The following CDK5RAP2 variants were observed in gnomAD, a reference collection of about 807,000 sequenced individuals.
CDK5RAP2 encodes CDK5 regulatory subunit associated protein 2.
Under a neutral mutation model 232.9 loss-of-function variants are expected in CDK5RAP2, and 147 were observed. The ratio of observed to expected loss-of-function variants is 0.63; its 90% CI spans 0.55 to 0.72. CDK5RAP2 has a LOEUF of 0.72. Ranked by LOEUF, CDK5RAP2 falls within the 30% of genes least tolerant of loss-of-function variation. The pLI is 0.00. For synonymous variants in CDK5RAP2, 833 were observed against 833.7 expected, an observed-to-expected ratio of 1.00 and a Z score of 0.01; for missense variants, 2,195 against 2,231.5, an observed-to-expected ratio of 0.98 and a Z score of 0.33.
In CDK5RAP2 at chr9:120,439,646, T is replaced by G; in HGVS notation, c.3475A>C (p.Lys1159Gln). 6.2e-7 allele frequency: 1 copy of G among 1,614,246 alleles called. No individual in the cohort carries two copies. Among genetic ancestry groups the G allele is most frequent in the Non-Finnish European group, 8.5e-7 (1 of 1,180,044 alleles). ...GTEGAQDGLS[K>Q]PKNGSDGEEM... ...TCCCCATCAGAACCATTCTTGGGCT[T>G]GCTCAAGCCATCCTGGGCCCCTTCT... The change falls in exon 24 of 38, where the codon AAG (lysine) becomes CAG (glutamine). Residue 1159 changes from lysine (K) to glutamine (Q), a missense_variant. By Grantham distance (53) the Lys-to-Gln change is moderately conservative. Coordinates refer to ENST00000349780, the MANE Select transcript of CDK5RAP2 (RefSeq NM_018249.6).
At chr9:120,544,957 A>C (rs969716570) in intron 5 of CDK5RAP2, among the ~76,000 whole-genome samples, 1 of 152,220 alleles carries the variant, frequency 6.6e-6, no homozygotes, top group Admixed American at 6.5e-5. Flanking sequence ...ACTATGTAAT[A>C]AATGTTTACG....
chr9:120,398,993 G>A (rs78085355), intron 35 of CDK5RAP2, among the ~76,000 whole-genome samples: 1 of 152,220 alleles, frequency 6.6e-6, no homozygotes, highest in African/African-American at 2.4e-5. Context: ...AAAGTGGCTA[G>A]AGGCAATTTA....
Position 120,539,118 on chromosome 9 carries a change from G to C in CDK5RAP2, c.430C>G (p.Arg144Gly), listed in dbSNP as rs763240159. 2.5e-6 allele frequency: 4 copies of C among 1,613,846 alleles called. No homozygotes were observed. The highest frequency in any genetic ancestry group is 3.4e-6 in the Non-Finnish European group (4 of 1,179,842). The change falls in exon 6 of 38, where the codon CGG becomes GGG. Residue 144 changes from arginine to glycine, a missense_variant. Physicochemically the swap from Arg to Gly is moderately radical, Grantham distance 125 (BLOSUM62 -2). Coordinates refer to ENST00000349780, the MANE Select transcript of CDK5RAP2 (RefSeq NM_018249.6). Reference protein sequence around the residue: ...LAEAGGSEIQRVKEDARKKVQ... With the variant: ...LAEAGGSEIQGVKEDARKKVQ... ...TTCTTTCGAGCATCTTCTTTCACCC[G>C]CTGGATTTCAGAGCCACCTGCTTCA...
intron 18 of CDK5RAP2, among the ~76,000 whole-genome samples, chr9:120,461,804 C>T (rs1051838625): frequency 6.6e-6 from 1 of 152,232 alleles, no homozygotes. Flanking sequence ...GATCACACCA[C>T]TGCACTCCAG....
chr9:120,480,513 C>T (rs2038244944), intron 14 of CDK5RAP2, among the ~76,000 whole-genome samples: 1 of 152,198 alleles, frequency 6.6e-6, no homozygotes, highest in African/African-American at 2.4e-5. Flanking sequence ...ACGGCAGTTA[C>T]TTATACTCAC....
At chr9:120,458,732 A>T in intron 19 of CDK5RAP2, 110 bp from the exon 20 acceptor site, 1 of 953,818 alleles carries the variant, frequency 1.0e-6, no homozygotes, top group Non-Finnish European at 1.7e-6. Context: ...TAAGCCAGAC[A>T]CACTGAGCCA....
At chr9:120,553,457 A>G (rs1173101191) in intron 3 of CDK5RAP2, among the ~76,000 whole-genome samples, 1 of 152,210 alleles carries the variant, frequency 6.6e-6, no homozygotes, top group Non-Finnish European at 1.5e-5. Context: ...TGTTTCATAC[A>G]TTTTTAAGTC....
chr9:120,554,634 T>TTTG (rs369609019), intron 3 of CDK5RAP2, among the ~76,000 whole-genome samples: 9 of 152,204 alleles, frequency 5.9e-5, no homozygotes, highest in East Asian at 1.9e-4. Context: ...TTTTGTTTTT[T>TTTG]TTGTTGTTGT....
intron 36 of CDK5RAP2, chr9:120,390,155 G>C (rs1231205939): frequency 3.6e-6 from 1 of 275,894 alleles, no homozygotes; most frequent in African/African-American, 2.2e-5. Context: ...GCGCAGGGAG[G>C]GTAGAGGCCT....
chr9:120,398,545 G>C (rs2032721007), intron 35 of CDK5RAP2, among the ~76,000 whole-genome samples: 3 of 152,070 alleles, frequency 2.0e-5, no homozygotes, highest in Admixed American at 2.0e-4. Flanking sequence ...ATCTTGCCAA[G>C]AATTTTTAGG....
intron 2 of CDK5RAP2, among the ~76,000 whole-genome samples, chr9:120,570,753 T>C (rs1042464932): frequency 4.5e-4 from 68 of 151,926 alleles, no homozygotes; most frequent in Non-Finnish European, 8.5e-4. Context: ...GCAGAAGAAT[T>C]GCTTGAACCC....
rs557006128 is a variant in CDK5RAP2, at chr9:120,415,078, C to T, written c.4259G>A (p.Arg1420Gln). 41 of 1,614,160 alleles carry T rather than the reference C, an allele frequency of 2.5e-5. No homozygotes were observed. Among genetic ancestry groups the T allele is most frequent in the South Asian group, 9.9e-5 (9 of 91,082 alleles). ...EESIKTNEKL[R>Q]KQLERQGSEF... ...AGATCCTTGCCGTTCCAACTGTTTC[C>T]GTAGCTTCTCATTTGTTTTAATAGA... is the stretch of plus-strand genomic sequence containing the variant. The change falls in exon 28 of 38, where the codon CGG (arginine) becomes CAG (glutamine). Residue 1420 changes from arginine (R) to glutamine (Q), a missense_variant. Transcript: ENST00000349780.
At chr9:120,562,425 C>T (rs1019148525) in intron 3 of CDK5RAP2, among the ~76,000 whole-genome samples, 1 of 152,188 alleles carries the variant, frequency 6.6e-6, no homozygotes, top group African/African-American at 2.4e-5. Context: ...CCCCAACAGC[C>T]ATGAGCCCTA....
intron 1 of CDK5RAP2, among the ~76,000 whole-genome samples, chr9:120,575,592 CACAA>C (rs150466210): frequency 0.018 from 2,801 of 152,242 alleles, 103 homozygotes; most frequent in African/African-American, 0.065. Context: ...ACAACGATTA[CACAA>C]ACAAACTCAC....
chr9:120,425,924 A>T (rs887818983), intron 25 of CDK5RAP2, among the ~76,000 whole-genome samples: 3 of 152,232 alleles, frequency 2.0e-5, no homozygotes, highest in South Asian at 4.1e-4. Flanking sequence ...ACACACTGTG[A>T]TAAGGGGCCG....
chr9:120,462,015 GT>G (rs1381022318), intron 18 of CDK5RAP2, among the ~76,000 whole-genome samples: 1 of 152,156 alleles, frequency 6.6e-6, no homozygotes, highest in African/African-American at 2.4e-5. Context: ...CCAACTCTCT[GT>G]TTTTCCTTTC....
chr9:120,525,153 G>A, intron 10 of CDK5RAP2, 75 bp from the exon 11 acceptor site: 2 of 1,091,878 alleles, frequency 1.8e-6, no homozygotes, highest in Non-Finnish European at 2.8e-6. Flanking sequence ...TGCTTTTCCT[G>A]CTCAATTGTG....
chr9:120,467,820 A>G, intron 18 of CDK5RAP2, 40 bp downstream of exon 18: 1 of 1,610,634 alleles, frequency 6.2e-7, no homozygotes, highest in Non-Finnish European at 8.5e-7. Flanking sequence ...CGGTTGTTAT[A>G]TTTTTGTAAT....
At chr9:120,497,717 C>A (rs1224168526) in intron 12 of CDK5RAP2, among the ~76,000 whole-genome samples, 4 of 152,134 alleles carry the variant, frequency 2.6e-5, no homozygotes, top group Non-Finnish European at 5.9e-5. Context: ...AACACATAAC[C>A]TCAATCTAAT....
Sources: gnomAD v4.1 joint callset for allele counts (sites outside exome capture counted in the v4.1 genomes callset) on GRCh38, gnomAD v4.1.1 for gene constraint, MANE v1.5 for transcripts, NCBI Gene and HGNC (gene_info 2026-07-23, HGNC 2026-07-21) for gene names.